The following CNKSR2 variants were observed in gnomAD, a reference collection of about 807,000 sequenced individuals.
CNKSR2 encodes the protein CNK homolog protein 2.
A neutral mutation model predicts 84.4 loss-of-function variants in CNKSR2; 14 were observed. The observed-to-expected ratio is 0.17, with a 90% confidence interval of 0.11 to 0.26. The LOEUF (loss-of-function observed/expected upper bound fraction) is 0.26, where lower values mean the gene tolerates loss of function less well. Among genes scored for constraint, CNKSR2 ranks in the 10% least tolerant of loss-of-function variants. CNKSR2 has a pLI of 1.00. For synonymous variants in CNKSR2, 275 were observed against 277.9 expected, an observed-to-expected ratio of 0.99 and a Z score of 0.10; for missense variants, 485 against 771.2, an observed-to-expected ratio of 0.63 and a Z score of 4.40.
intron 4 of CNKSR2, chrX:21,441,414 T>G (rs1185238780): frequency 9.0e-6 from 1 of 111,237 alleles, no homozygotes; most frequent in African/African-American, 3.3e-5. Flanking sequence ...AATAGTTAAG[T>G]GTTTATTTCT....
intron 18 of CNKSR2, among the ~76,000 whole-genome samples, chrX:21,602,120 G>GTTTT (rs199901615): frequency 4.6e-5 from 5 of 109,632 alleles, no homozygotes; most frequent in African/African-American, 1.7e-4. Context: ...GCCAGGTTTT[G>GTTTT]TTTTTTTTGT....
intron 20 of CNKSR2, 43 bp from the exon 21 acceptor site, chrX:21,648,788 C>G: frequency 2.5e-6 from 2 of 787,835 alleles, no homozygotes; most frequent in Non-Finnish European, 1.7e-6. Context: ...CTCTCTCTCT[C>G]TCTTTCTTTT....
chrX:21,468,232 A>G (rs2091153620), intron 4 of CNKSR2, among the ~76,000 whole-genome samples: 1 of 110,923 alleles, frequency 9.0e-6, no homozygotes, highest in East Asian at 2.8e-4. Flanking sequence ...AATCAAGGGG[A>G]AAAATATGTC....
chrX:21,620,578 C>G (rs1413987264), intron 20 of CNKSR2, among the ~76,000 whole-genome samples: 1 of 110,827 alleles, frequency 9.0e-6, no homozygotes, highest in Non-Finnish European at 1.9e-5. Flanking sequence ...TCGGAACTCC[C>G]GCCTCCAAAA....
At chrX:21,394,395 T>C (rs769959308) in intron 1 of CNKSR2, among the ~76,000 whole-genome samples, 6 of 112,201 alleles carry the variant, frequency 5.3e-5, no homozygotes, top group Non-Finnish European at 9.4e-5. Flanking sequence ...TTGGGAACTC[T>C]TTCCCTTTTA....
chrX:21,606,794 G>A lies in CNKSR2; in HGVS notation c.2060G>A (p.Ser687Asn), dbSNP rs754789742. The A allele has an allele frequency of 8.4e-7, 1 of 1,187,635 alleles. No homozygotes were observed. Among genetic ancestry groups the A allele is most frequent in the African/African-American group, 1.8e-5 (1 of 56,537 alleles). ...IKQEQDYWSE[S>N]DKEEADTPST... is the part of the protein sequence containing the mutation. Reference sequence around the variant, plus strand: ...GAATTTTCAGATTACTGGAGTGAGAGTGACAAGGAAGAAGCAGATACTCCA... The same window carrying A: ...GAATTTTCAGATTACTGGAGTGAGAATGACAAGGAAGAAGCAGATACTCCA... Residue 687 changes from serine to asparagine, a missense_variant, in exon 19 of 22, where the codon AGT (serine) becomes AAT (asparagine). Around this residue, in one of 5 missense-constraint regions of CNKSR2, gnomAD observed 210 missense variants for 291.5 expected, o/e 0.72. Transcript: ENST00000379510.
intron 8 of CNKSR2, among the ~76,000 whole-genome samples, chrX:21,502,227 A>C (rs2091566629): frequency 1.0e-5 from 1 of 99,344 alleles, no homozygotes; most frequent in Non-Finnish European, 2.1e-5. Context: ...CATTTTTTAT[A>C]ATAGTGGGAT....
At chrX:21,548,239 T>C (rs2092048373) in intron 11 of CNKSR2, among the ~76,000 whole-genome samples, 1 of 110,342 alleles carries the variant, frequency 9.1e-6, no homozygotes, top group African/African-American at 3.3e-5. Flanking sequence ...GAAGGAGAGA[T>C]CACCACTGAT....
intron 11 of CNKSR2, among the ~76,000 whole-genome samples, chrX:21,550,872 T>TA (rs1206776121): frequency 9.1e-6 from 1 of 109,635 alleles, no homozygotes; most frequent in Admixed American, 9.7e-5. Flanking sequence ...CTGTCTCTAC[T>TA]AAAAATACAG....
rs181953149 is a variant in CNKSR2, at chrX:21,601,376, T to G, written c.2044+27T>G. The G allele has an allele frequency of 6.5e-6, 6 of 928,348 alleles. No homozygotes were observed. The African/African-American group carries it at 1.2e-4, about 18-fold the overall frequency. The allele number at this position is 928,348 out of a possible 1,213,427, so 76.5% of individuals were successfully genotyped here. On this transcript the variant is annotated intron_variant, in intron 18 of 21. Transcript: ENST00000379510. ...TAAAGGAATACTTTTTTAAAATAAT[T>G]ATGTTATACTTTTTTTCCTGCAGTT...
intron 13 of CNKSR2, among the ~76,000 whole-genome samples, chrX:21,586,331 T>C (rs2147240904): frequency 8.9e-6 from 1 of 111,968 alleles, no homozygotes; most frequent in East Asian, 2.8e-4. Context: ...TGTATAAAAC[T>C]GAATTCCTAG....
intron 1 of CNKSR2, among the ~76,000 whole-genome samples, chrX:21,382,750 A>T (rs980539659): frequency 3.6e-5 from 4 of 111,733 alleles, no homozygotes; most frequent in Non-Finnish European, 5.7e-5. Context: ...TAGGAATACA[A>T]TTAAGGTATT....
chrX:21,400,002 G>C (rs2090168762), intron 1 of CNKSR2, among the ~76,000 whole-genome samples: 1 of 110,832 alleles, frequency 9.0e-6, no homozygotes, highest in African/African-American at 3.3e-5. Flanking sequence ...GTACATTCTA[G>C]TTCAGTGTTG....
chrX:21,574,479 A>G (rs1356904443), intron 13 of CNKSR2, among the ~76,000 whole-genome samples: 3 of 112,037 alleles, frequency 2.7e-5, no homozygotes, highest in South Asian at 3.7e-4. Flanking sequence ...ACTTACAAGC[A>G]TGGCAGAAGG....
intron 20 of CNKSR2, among the ~76,000 whole-genome samples, chrX:21,622,127 A>G (rs192315612): frequency 9.0e-5 from 10 of 111,208 alleles, no homozygotes; most frequent in African/African-American, 3.3e-4. Context: ...TTAATGCCCT[A>G]GTTTGAAGAC....
At chrX:21,500,554 A>G (rs73451472) in intron 7 of CNKSR2, among the ~76,000 whole-genome samples, 5,900 of 111,023 alleles carry the variant, frequency 0.053, 393 homozygotes, top group African/African-American at 0.18. Flanking sequence ...TGGATTTTCT[A>G]TATATTCAAA....
rs2092696365 is a variant in CNKSR2 at position 21,642,961 on chromosome X, T to C, written c.2693-5870T>C. On this transcript the variant is annotated intron_variant, in intron 20 of 21. Transcript: ENST00000379510. ...TATAGAAATCCATCAAAAAGCATTT[T>C]ATTGGCTTTATTGGTATTTAATATT... The C allele has an allele frequency of 4.4e-5, 11 of 251,530 alleles. No homozygotes were observed. The South Asian group carries it at 6.0e-4, about 14-fold the overall frequency. The allele number at this position is 251,530 out of a possible 1,213,427, so 20.7% of individuals were successfully genotyped here.
At chrX:21,642,631 A>C in intron 20 of CNKSR2, 2 of 746,989 alleles carry the variant, frequency 2.7e-6, no homozygotes, top group Non-Finnish European at 3.2e-6. Context: ...TGTATTTTGA[A>C]ATGTTTTTTT....
At chrX:21,609,718 A>G in intron 20 of CNKSR2, 101 bp downstream of exon 20, 1 of 1,021,639 alleles carries the variant, frequency 9.8e-7, no homozygotes, top group East Asian at 3.3e-5. Context: ...CTTTTTTCTT[A>G]AAATAATAGT....
Sources: gnomAD v4.1 joint callset for allele counts (sites outside exome capture counted in the v4.1 genomes callset) on GRCh38, gnomAD v4.1.1 for gene constraint, gnomAD v4.1.1 regional missense constraint, MANE v1.5 for transcripts, NCBI Gene and HGNC (gene_info 2026-07-23, HGNC 2026-07-21) for gene names.